Variants in MCTP2 observed in about 807,000 individuals in gnomAD.
MCTP2 encodes multiple C2 and transmembrane domain-containing protein 2.
Under a neutral mutation model 111.6 loss-of-function variants are expected in MCTP2, and 132 were observed. That is an observed-to-expected ratio of 1.18 (90% confidence interval 1.03 to 1.37). The LOEUF is 1.37. Among genes scored for constraint, MCTP2 ranks in the 40% most tolerant of loss-of-function variants. The probability of loss-of-function intolerance (pLI) is 0.00; values close to 1 mark genes in which losing one functional copy is unlikely to be tolerated. For missense variants in MCTP2, 1,183 were observed against 1,067.9 expected, an observed-to-expected ratio of 1.11 and a Z score of -1.50; for synonymous variants, 395 against 387.7, an observed-to-expected ratio of 1.02 and a Z score of -0.22.
intron 12 of MCTP2, among the ~76,000 whole-genome samples, chr15:94,377,206 C>T (rs1253557121): frequency 1.3e-5 from 2 of 152,188 alleles, no homozygotes; most frequent in South Asian, 2.1e-4. Context: ...TTGTCTGTCT[C>T]TTGAAGCTGT....
intron 1 of MCTP2, among the ~76,000 whole-genome samples, chr15:94,269,361 T>C (rs2073782521): frequency 6.6e-6 from 1 of 152,242 alleles, no homozygotes; most frequent in Non-Finnish European, 1.5e-5. Context: ...ATTCAGGCTT[T>C]AGGTGTAAGA....
intron 1 of MCTP2, among the ~76,000 whole-genome samples, chr15:94,234,623 G>A (rs913137744): frequency 6.6e-6 from 1 of 152,184 alleles, no homozygotes; most frequent in Non-Finnish European, 1.5e-5. Flanking sequence ...AGACACTCTG[G>A]ACACTCATGT....
chr15:94,340,721 G>T, intron 6 of MCTP2, 92 bp from the exon 7 acceptor site: 1 of 697,326 alleles, frequency 1.4e-6, no homozygotes, highest in Non-Finnish European at 2.4e-6. Flanking sequence ...TTATTCAGAG[G>T]TAGGAGACTT....
At chr15:94,378,268 T>C (rs2079891047) in intron 12 of MCTP2, among the ~76,000 whole-genome samples, 1 of 152,028 alleles carries the variant, frequency 6.6e-6, no homozygotes, top group African/African-American at 2.4e-5. Flanking sequence ...GCACCCATAA[T>C]TTCAACACTT....
Position 94,288,650 on chromosome 15 carries a change from T to C in MCTP2, c.-65-9551T>C, listed in dbSNP as rs1309566376. Reference sequence around the variant, plus strand: ...CAAAATGTCCAAGGTATAATTTATATTGGTTTATGAAGAAATGTAAAAATG... The same window carrying C: ...CAAAATGTCCAAGGTATAATTTATACTGGTTTATGAAGAAATGTAAAAATG... On this transcript the variant is annotated intron_variant, in intron 1 of 22. Coordinates refer to ENST00000357742, the MANE Select transcript of MCTP2 (RefSeq NM_001385001.1). Among the ~76,000 whole-genome samples, 6 of 152,328 alleles carry C rather than the reference T, an allele frequency of 3.9e-5. No individual in the cohort carries two copies. In the East Asian group the frequency reaches 9.7e-4, roughly 25 times the overall value.
chr15:94,356,405 TCA>T, intron 9 of MCTP2, 104 bp downstream of exon 9: 2 of 1,059,460 alleles, frequency 1.9e-6, no homozygotes, highest in Non-Finnish European at 2.6e-6. Context: ...TAATTTATGT[TCA>T]GCCCGCCTAA....
intron 10 of MCTP2, among the ~76,000 whole-genome samples, chr15:94,364,171 G>A (rs559809971): frequency 4.3e-4 from 64 of 150,368 alleles, no homozygotes; most frequent in African/African-American, 1.2e-3. Context: ...ATGGCTGCCC[G>A]TTTTTGTAAA....
intron 14 of MCTP2, among the ~76,000 whole-genome samples, chr15:94,392,146 C>T (rs2081016320): frequency 6.6e-6 from 1 of 151,062 alleles, no homozygotes; most frequent in Non-Finnish European, 1.5e-5. Context: ...CTGAGGTGGG[C>T]GGATCACGAG....
chr15:94,380,646 T>TC (rs1458806689), intron 12 of MCTP2, among the ~76,000 whole-genome samples: 7 of 151,924 alleles, frequency 4.6e-5, no homozygotes, highest in Non-Finnish European at 4.4e-5. Context: ...CACGTGCCTA[T>TC]AATCCCAGCT....
At chr15:94,355,841 G>A in intron 8 of MCTP2, 2 of 787,316 alleles carry the variant, frequency 2.5e-6, no homozygotes, top group Non-Finnish European at 3.1e-6. Flanking sequence ...AATAGCTAAA[G>A]GCCCAGTTGA....
chr15:94,459,830 TA>T (rs1380419740), intron 20 of MCTP2, among the ~76,000 whole-genome samples: 26 of 152,352 alleles, frequency 1.7e-4, no homozygotes, highest in African/African-American at 6.0e-4. Flanking sequence ...CACCAACTGT[TA>T]TCGCATGCCA....
At chr15:94,463,900 C>G (rs1336558210) in intron 20 of MCTP2, among the ~76,000 whole-genome samples, 3 of 151,942 alleles carry the variant, frequency 2.0e-5, no homozygotes, top group Non-Finnish European at 4.4e-5. Flanking sequence ...AAATGGTAAA[C>G]CAATCTTACA....
intron 1 of MCTP2, among the ~76,000 whole-genome samples, chr15:94,258,275 T>C (rs1326998592): frequency 1.3e-5 from 2 of 152,162 alleles, no homozygotes; most frequent in Admixed American, 1.3e-4. Context: ...TATCCAGATT[T>C]CTCTAAGCCC....
intron 1 of MCTP2, among the ~76,000 whole-genome samples, chr15:94,265,296 A>G (rs1009256491): frequency 6.6e-6 from 1 of 152,204 alleles, no homozygotes; most frequent in Non-Finnish European, 1.5e-5. Context: ...GAAAAAGGCA[A>G]CAGGGGTTAT....
In MCTP2 at chr15:94,254,599, T is replaced by G. The variant is rs557600513; in HGVS notation, c.-66+22935T>G. 2.0e-5 allele frequency among the ~76,000 whole-genome samples: 3 copies of G among 152,344 alleles called. No homozygotes were observed. In the South Asian group the frequency reaches 6.2e-4, roughly 32 times the overall value. On this transcript the variant is annotated intron_variant, in intron 1 of 22. Transcript: ENST00000357742. ...CCACTTCATTTGGAAATATCACAAA[T>G]GTGGCCACTGGTTTGATTTTTTTGC...
At chr15:94,323,253 A>T (rs1567421204) in intron 4 of MCTP2, among the ~76,000 whole-genome samples, 1 of 152,164 alleles carries the variant, frequency 6.6e-6, no homozygotes, top group Non-Finnish European at 1.5e-5. Context: ...GAAAGGGGTA[A>T]TGTTGTATAG....
At chr15:94,353,196 T>C (rs17661916) in intron 8 of MCTP2, among the ~76,000 whole-genome samples, 26,578 of 152,120 alleles carry the variant, frequency 0.17, 2,942 homozygotes, top group East Asian at 0.24. Flanking sequence ...CCGACTGAGA[T>C]AGATAAAAGC....
At chr15:94,360,899 A>G (rs1200604212) in intron 10 of MCTP2, among the ~76,000 whole-genome samples, 1 of 151,390 alleles carries the variant, frequency 6.6e-6, no homozygotes, top group Non-Finnish European at 1.5e-5. Context: ...CTGTAGTACA[A>G]AAGATAACAA....
chr15:94,367,571 C>CT (rs769238542), intron 10 of MCTP2, 34 bp from the exon 11 acceptor site: 186 of 1,571,330 alleles, frequency 1.2e-4, no homozygotes, highest in Non-Finnish European at 1.5e-4. Flanking sequence ...GAATTAATCA[C>CT]TTTTCTCTCT....
Sources: allele counts gnomAD v4.1 joint callset (sites outside exome capture counted in the v4.1 genomes callset), GRCh38; gene constraint gnomAD v4.1.1; transcripts MANE v1.5; gene names NCBI Gene and HGNC (gene_info 2026-07-23, HGNC 2026-07-21).